The following IPO8 variants were observed in gnomAD, a reference collection of about 807,000 sequenced individuals.
The protein encoded by IPO8 is importin 8.
A neutral mutation model predicts 141.2 loss-of-function variants in IPO8; 65 were observed. That is an observed-to-expected ratio of 0.46 (90% confidence interval 0.38 to 0.57). IPO8 has a LOEUF of 0.57. IPO8 is among the 20% of genes least tolerant of loss of function. The pLI is 0.00. For missense variants in IPO8, 980 were observed against 1,246.8 expected (o/e 0.79, Z 3.22); for synonymous variants, 411 against 420.3 (o/e 0.98, Z 0.27).
chr12:30,664,750 C>CT (rs60452057), intron 13 of IPO8, among the ~76,000 whole-genome samples: 81,932 of 150,632 alleles, frequency 0.54, 22,758 homozygotes, highest in African/African-American at 0.67. Flanking sequence ...AAATATTTTC[C>CT]TTTTTTTTTG....
At chr12:30,674,901 T>C in intron 6 of IPO8, 148 bp from the exon 7 acceptor site, 1 of 634,808 alleles carries the variant, frequency 1.6e-6, no homozygotes, top group Non-Finnish European at 2.8e-6. Flanking sequence ...TATAGATTGC[T>C]AGGCAGGAAT....
At chr12:30,650,635 G>A (rs1017966099) in intron 19 of IPO8, among the ~76,000 whole-genome samples, 1 of 152,026 alleles carries the variant, frequency 6.6e-6, no homozygotes, top group African/African-American at 2.4e-5. Flanking sequence ...GGGAATAAAA[G>A]AACCTACTTC....
intron 2 of IPO8, among the ~76,000 whole-genome samples, chr12:30,689,170 A>G (rs1377194342): frequency 6.6e-6 from 1 of 152,140 alleles, no homozygotes; most frequent in Non-Finnish European, 1.5e-5. Context: ...AGCTGATGGC[A>G]GTCATCTTTG....
chr12:30,632,972 A>C (rs2052453659), intron 23 of IPO8, among the ~76,000 whole-genome samples: 1 of 152,206 alleles, frequency 6.6e-6, no homozygotes, highest in African/African-American at 2.4e-5. Context: ...GCATCTTTAA[A>C]AATACATCTC....
chr12:30,651,639 G>A (rs1332818598), intron 19 of IPO8, among the ~76,000 whole-genome samples: 1 of 152,022 alleles, frequency 6.6e-6, no homozygotes, highest in African/African-American at 2.4e-5. Context: ...TTTAGCCAAA[G>A]ATCCCAAAAG....
chr12:30,637,015 A>G lies in IPO8; in HGVS notation c.2662T>C (p.Ser888Pro), dbSNP rs2052511191. Residue 888 changes from serine (S) to proline (P), a missense_variant, in exon 22 of 25, where the codon TCA becomes CCA. Physicochemically the swap from Ser to Pro is moderately conservative, Grantham distance 74. This residue lies in a region of IPO8 where 924 missense variants were observed against 1,153.9 expected (regional missense o/e 0.80). Coordinates refer to ENST00000256079, the MANE Select transcript of IPO8 (RefSeq NM_006390.4). ...TRQLVNREDR[S>P]KAEKADMEEN... The stretch of plus-strand genomic sequence containing the variant: ...TCCATATCAGCTTTCTCTGCTTTTG[A>G]ACGATCTTCCCGGTTTACCAGTTGT... 6.2e-7 allele frequency: 1 copy of G among 1,613,966 alleles called. No individual in the cohort carries two copies. The highest frequency in any genetic ancestry group is 1.3e-5 in the African/African-American group (1 of 74,932).
At chr12:30,677,128 A>G in intron 5 of IPO8, 2 of 1,450,268 alleles carry the variant, frequency 1.4e-6, no homozygotes, top group Non-Finnish European at 1.9e-6. Context: ...TACAGACATA[A>G]TAAGATAGAC....
intron 2 of IPO8, among the ~76,000 whole-genome samples, chr12:30,689,698 C>CTAAT (rs1212872800): frequency 2.6e-5 from 4 of 152,150 alleles, no homozygotes; most frequent in African/African-American, 9.7e-5. Flanking sequence ...CATGGAAAGG[C>CTAAT]TAATGTTCAC....
At position 30,662,555 on chromosome 12, in the gene IPO8, G is replaced by A. The variant is rs561463176; in HGVS notation, c.1595-68C>T. 10 of 1,262,858 alleles carry A rather than the reference G, an allele frequency of 7.9e-6. No individual in the cohort carries two copies. The South Asian group carries it at 1.1e-4, about 14-fold the overall frequency. 78.2% of individuals were successfully genotyped at this position (1,262,858 alleles called of 1,614,324 possible). Reference sequence around the variant, plus strand: ...CCAGATGATAAAAGGAATTAACTTGGTCACAAGGTCAAGTGACCCAGGGTA... The same window carrying A: ...CCAGATGATAAAAGGAATTAACTTGATCACAAGGTCAAGTGACCCAGGGTA... On this transcript the variant is annotated intron_variant, in intron 14 of 24. Transcript: ENST00000256079.
rs186262671 is a variant in IPO8 at position 30,666,613 on chromosome 12, G to A, written c.1145-362C>T. Among the ~76,000 whole-genome samples, 511 of 152,246 alleles carry A rather than the reference G, an allele frequency of 3.4e-3. 1 individual carries two copies. Among genetic ancestry groups the A allele is most frequent in the Middle Eastern group, 6.8e-3 (2 of 294 alleles). On this transcript the variant is annotated intron_variant, in intron 10 of 24. Transcript: ENST00000256079. ...CCATTCTAGACCCCGGGGATACAAA[G>A]ATCAAACAAAAAGGTTCTCACGGAG...
At chr12:30,633,862 C>A (rs1268084889) in intron 23 of IPO8, among the ~76,000 whole-genome samples, 2 of 152,182 alleles carry the variant, frequency 1.3e-5, no homozygotes, top group East Asian at 3.8e-4. Context: ...CACCCTGCTA[C>A]TTCTCAATGA....
intron 22 of IPO8, 68 bp from the exon 23 acceptor site, chr12:30,634,354 A>G: frequency 7.7e-7 from 1 of 1,301,954 alleles, no homozygotes; most frequent in Non-Finnish European, 1.1e-6. Flanking sequence ...CTTCACGACA[A>G]AAACCAAAGA....
At position 30,674,739 on chromosome 12, in the gene IPO8, A is replaced by G; in HGVS notation, c.744T>C (p.Ile248=). 6.2e-7 allele frequency: 1 copy of G among 1,612,670 alleles called. No individual in the cohort carries two copies. Among genetic ancestry groups the G allele is most frequent in the Non-Finnish European group, 8.5e-7 (1 of 1,178,740 alleles). The change falls in exon 7 of 25, where the codon ATT becomes ATC. Residue 248 remains isoleucine (I), a synonymous_variant. Transcript: ENST00000256079. ...DRTVPPETLH[I]DEDDRPELVW... ...CCAGTTCTGGTCTATCATCCTCATCAATGTGCAGAGTCTCCTAACAGGACA... is the reference window on the plus strand; with the variant it reads ...CCAGTTCTGGTCTATCATCCTCATCGATGTGCAGAGTCTCCTAACAGGACA...
chr12:30,667,268 T>C (rs2052979956), intron 10 of IPO8, among the ~76,000 whole-genome samples: 1 of 152,166 alleles, frequency 6.6e-6, no homozygotes, highest in South Asian at 2.1e-4. Context: ...CATCACCCGT[T>C]TGACAGCTGA....
At position 30,676,527 on chromosome 12, in the gene IPO8, G is replaced by A. The variant is rs1044428455; in HGVS notation, c.700C>T (p.Arg234Ter). The change falls in exon 6 of 25, where the codon CGA (arginine) becomes TGA (stop). Residue 234 changes from arginine (R) to a stop codon, truncating the protein, a stop_gained. Coordinates refer to ENST00000256079, the MANE Select transcript of IPO8 (RefSeq NM_006390.4). LOFTEE classifies it high-confidence loss of function. ...QTMTTWMEIF[R>*]TIIDRTVPPE... ...GGAACGGTCCTGTCGATAATAGTTC[G>A]GAAGATCTCCATCCATGTTGTCATG... The A allele has an allele frequency of 3.1e-6, 5 of 1,613,282 alleles. No homozygotes were observed. The highest frequency in any genetic ancestry group is 3.4e-6 in the Non-Finnish European group (4 of 1,179,446).
intron 20 of IPO8, among the ~76,000 whole-genome samples, chr12:30,641,652 G>A (rs2052576885): frequency 6.6e-6 from 1 of 151,930 alleles, no homozygotes; most frequent in African/African-American, 2.4e-5. Context: ...TTATTTGACT[G>A]TATTTTCACT....
At chr12:30,632,275 TG>T (rs1162015177) in intron 23 of IPO8, among the ~76,000 whole-genome samples, 2 of 152,174 alleles carry the variant, frequency 1.3e-5, no homozygotes, top group African/African-American at 4.8e-5. Flanking sequence ...TCTCCTTTGC[TG>T]TCTTCTATGG....
intron 8 of IPO8, among the ~76,000 whole-genome samples, chr12:30,673,290 A>T (rs2053076479): frequency 6.6e-6 from 1 of 152,148 alleles, no homozygotes; most frequent in Admixed American, 6.5e-5. Context: ...CTTCTATGTC[A>T]GTAAAGCTTT....
intron 5 of IPO8, among the ~76,000 whole-genome samples, chr12:30,677,491 CTTTT>C (rs936860309): frequency 6.7e-6 from 1 of 149,088 alleles, no homozygotes; most frequent in Non-Finnish European, 1.5e-5. Context: ...ACTCCTTCTA[CTTTT>C]TTTTTTAAGT....
Sources: allele counts gnomAD v4.1 joint callset (sites outside exome capture counted in the v4.1 genomes callset), GRCh38; gene constraint gnomAD v4.1.1; regional missense constraint gnomAD v4.1.1; transcripts MANE v1.5; gene names NCBI Gene and HGNC (gene_info 2026-07-23, HGNC 2026-07-21).